The following ANKS1B variants were observed in gnomAD, a reference collection of about 807,000 sequenced individuals.
ANKS1B encodes the protein ankyrin repeat and sterile alpha motif domain-containing protein 1B.
In ANKS1B, 36 loss-of-function variants were observed where a neutral mutation model predicts 148.3. The observed-to-expected ratio is 0.24, with a 90% CI of 0.19 to 0.32. The LOEUF is 0.32. Ranked by LOEUF, ANKS1B falls within the 10% of genes least tolerant of loss-of-function variation. ANKS1B has a pLI of 1.00. For synonymous variants in ANKS1B, 542 were observed against 560.8 expected (o/e 0.97, Z 0.47); for missense variants, 1,157 against 1,542.6 (o/e 0.75, Z 4.19).
chr12:98,979,666 G>GT (rs559545275), intron 17 of ANKS1B, among the ~76,000 whole-genome samples: 1,340 of 104,806 alleles, frequency 0.013, 20 homozygotes, highest in African/African-American at 0.087. Flanking sequence ...GATGCTTTTA[G>GT]ATTTTTTTTT....
chr12:99,208,707 T>G (rs2082969371), intron 14 of ANKS1B, among the ~76,000 whole-genome samples: 1 of 152,144 alleles, frequency 6.6e-6, no homozygotes, highest in African/African-American at 2.4e-5. Context: ...CCAACCAAGA[T>G]CAAGCAGAGC....
At chr12:99,028,961 ATGGCTGCCC>A (rs1319801518) in intron 17 of ANKS1B, among the ~76,000 whole-genome samples, 2 of 152,210 alleles carry the variant, frequency 1.3e-5, no homozygotes, top group Non-Finnish European at 2.9e-5. Flanking sequence ...AAAAGGGACC[ATGGCTGCCC>A]TTAACTGCAA....
At chr12:99,593,587 T>G (rs763670343) in intron 9 of ANKS1B, among the ~76,000 whole-genome samples, 7 of 152,044 alleles carry the variant, frequency 4.6e-5, no homozygotes, top group Non-Finnish European at 8.8e-5. Context: ...AAGAAAACAT[T>G]GATTGATTTC....
chr12:99,226,126 G>T (rs972693628), intron 14 of ANKS1B, among the ~76,000 whole-genome samples: 1 of 152,034 alleles, frequency 6.6e-6, no homozygotes, highest in Non-Finnish European at 1.5e-5. Context: ...CCATTCTAAG[G>T]AACATGAGCA....
intron 14 of ANKS1B, among the ~76,000 whole-genome samples, chr12:99,216,071 T>G (rs571850957): frequency 8.5e-5 from 13 of 152,302 alleles, no homozygotes; most frequent in African/African-American, 3.1e-4. Context: ...CTCATGATAG[T>G]GAATAAGTCT....
At chr12:99,415,701 T>G (rs2094877102) in intron 11 of ANKS1B, among the ~76,000 whole-genome samples, 1 of 151,944 alleles carries the variant, frequency 6.6e-6, no homozygotes, top group South Asian at 2.1e-4. Flanking sequence ...CCCTTTTTTT[T>G]GAGAGGGAGT....
chr12:99,025,678 A>T (rs950094925), intron 17 of ANKS1B, among the ~76,000 whole-genome samples: 8 of 152,210 alleles, frequency 5.3e-5, no homozygotes, highest in Non-Finnish European at 1.0e-4. Flanking sequence ...GGAGCCCACC[A>T]GGACAAACTG....
intron 17 of ANKS1B, among the ~76,000 whole-genome samples, chr12:98,892,839 T>C (rs11109655): frequency 0.096 from 14,603 of 152,220 alleles, 1,206 homozygotes; most frequent in East Asian, 0.37. Flanking sequence ...TGTAACAGTA[T>C]GGTTGTCTCC....
intron 1 of ANKS1B, among the ~76,000 whole-genome samples, chr12:99,951,327 A>G (rs1405011604): frequency 6.6e-6 from 1 of 152,208 alleles, no homozygotes; most frequent in Non-Finnish European, 1.5e-5. Flanking sequence ...TTTTCTTGTA[A>G]TATTTCTTTG....
intron 9 of ANKS1B, among the ~76,000 whole-genome samples, chr12:99,561,244 C>T (rs7137832): frequency 0.033 from 4,962 of 152,260 alleles, 275 homozygotes; most frequent in African/African-American, 0.11. Flanking sequence ...TGTTTGACAG[C>T]ATTTTACCCA....
chr12:99,090,556 G>A (rs1378692552), intron 15 of ANKS1B, among the ~76,000 whole-genome samples: 10 of 152,052 alleles, frequency 6.6e-5, no homozygotes, highest in African/African-American at 2.4e-4. Flanking sequence ...TAGAATCACT[G>A]TATAATAGAA....
At chr12:99,454,173 T>A (rs768428191) in intron 10 of ANKS1B, among the ~76,000 whole-genome samples, 2 of 152,168 alleles carry the variant, frequency 1.3e-5, no homozygotes, top group Non-Finnish European at 2.9e-5. Context: ...GATAAAGTAT[T>A]CAGATGAAAG....
At chr12:99,475,621 G>A (rs2096306821) in intron 10 of ANKS1B, among the ~76,000 whole-genome samples, 1 of 151,534 alleles carries the variant, frequency 6.6e-6, no homozygotes, top group Admixed American at 6.6e-5. Flanking sequence ...TTTTTTGGAT[G>A]TAGTTCTTTT....
intron 8 of ANKS1B, among the ~76,000 whole-genome samples, chr12:99,663,000 A>AT (rs1236000916): frequency 3.3e-5 from 5 of 152,158 alleles, no homozygotes; most frequent in African/African-American, 1.2e-4. Flanking sequence ...AGCCAATCTC[A>AT]TTACACAAGA....
chr12:99,622,462 G>A (rs913447162), intron 9 of ANKS1B, among the ~76,000 whole-genome samples: 16 of 151,802 alleles, frequency 1.1e-4, no homozygotes, highest in Admixed American at 1.1e-3. Flanking sequence ...AATTGTTTTT[G>A]TAAAGGATAA....
chr12:99,399,733 T>G lies in ANKS1B; in HGVS notation c.1654A>C (p.Thr552Pro), dbSNP rs761487483. ...GTAAAGCTTGTGCACCCTGTAGATG[T>G]GTTGATTTCAAAATATTCTTGGTTG... The part of the protein sequence containing the change: ...NHNQEYFEIN[T>P]STGCTSFTAS... Residue 552 changes from threonine (T) to proline (P), a missense_variant, in exon 12 of 27, where the codon ACA becomes CCA. By Grantham distance (38) the Thr-to-Pro change is conservative. Coordinates refer to ENST00000683438, the MANE Select transcript of ANKS1B (RefSeq NM_001352186.2). 3.1e-6 allele frequency: 5 copies of G among 1,613,400 alleles called. No individual in the cohort carries two copies. In the African/African-American group the frequency reaches 4.0e-5, roughly 13 times the overall value.
intron 1 of ANKS1B, among the ~76,000 whole-genome samples, chr12:99,955,083 A>G (rs550421357): frequency 3.9e-5 from 6 of 152,248 alleles, no homozygotes; most frequent in Admixed American, 3.9e-4. Context: ...CTGACACCTA[A>G]GATGCAGTTG....
intron 9 of ANKS1B, among the ~76,000 whole-genome samples, chr12:98,737,643 G>A (rs532586356): frequency 1.6e-3 from 240 of 152,286 alleles, no homozygotes; most frequent in African/African-American, 5.6e-3. Flanking sequence ...CACAGTCTAT[G>A]TTCTTCCTTT....
rs908746307 is a variant in ANKS1B, at chr12:98,745,736, G to A, written c.*3C>T. On this transcript the variant is annotated 3_prime_UTR_variant, in exon 27 of 27. Coordinates refer to ENST00000683438, the MANE Select transcript of ANKS1B (RefSeq NM_001352186.2). ...CACCGCGAGGACAGGAGGACGGCGA[G>A]TATCAGAAAATCGTGGTTTCATACT... 3.3e-5 allele frequency: 54 copies of A among 1,613,402 alleles called. No individual in the cohort carries two copies. The highest frequency in any genetic ancestry group is 4.4e-5 in the Non-Finnish European group (52 of 1,179,642).
Sources: gnomAD v4.1 joint callset for allele counts (sites outside exome capture counted in the v4.1 genomes callset) on GRCh38, gnomAD v4.1.1 for gene constraint, MANE v1.5 for transcripts, NCBI Gene and HGNC (gene_info 2026-07-23, HGNC 2026-07-21) for gene names.